PPRC1: variants seen among roughly 807,000 people sequenced by gnomAD.
PPRC1 encodes PPARG related coactivator 1.
Under a neutral mutation model 132.5 loss-of-function variants are expected in PPRC1, and 23 were observed. That is an observed-to-expected ratio of 0.17 (90% confidence interval 0.12 to 0.25). The LOEUF is 0.25. Among genes scored for constraint, PPRC1 ranks in the 10% least tolerant of loss-of-function variants. PPRC1 has a pLI of 1.00. For missense variants in PPRC1, 2,006 were observed against 2,089.1 expected (o/e 0.96, Z 0.78); for synonymous variants, 872 against 833.5 (o/e 1.05, Z -0.80).
chr10:102,139,756 G>T lies in PPRC1; in HGVS notation c.1248G>T (p.Leu416Phe), dbSNP rs1428507571. ...GCTCTGAGAAAGAGGGGTTGTCATT[G>T]AACTCAGAGGAGAAGCTGGACTCAG... ...TLCSEKEGLS[L>F]NSEEKLDSAC... Residue 416 changes from leucine to phenylalanine, a missense_variant, in exon 5 of 14, where the codon TTG becomes TTT. Physicochemically the swap from Leu to Phe is conservative, Grantham distance 22. Transcript: ENST00000278070. 1 of 1,614,174 alleles carries T rather than the reference G, an allele frequency of 6.2e-7. No individual in the cohort carries two copies. Among genetic ancestry groups the T allele is most frequent in the South Asian group, 1.1e-5 (1 of 91,090 alleles).
intron 2 of PPRC1, among the ~76,000 whole-genome samples, chr10:102,138,287 T>A (rs1408248242): frequency 6.6e-6 from 1 of 152,228 alleles, no homozygotes; most frequent in Non-Finnish European, 1.5e-5. Context: ...TCTGGGCCCC[T>A]GAACTACATG....
Position 102,133,077 on chromosome 10 carries a change from G to T in PPRC1, c.9G>T (p.Ala3=), listed in dbSNP as rs973614564. 2.6e-5 allele frequency: 32 copies of T among 1,242,190 alleles called. No homozygotes were observed. Among genetic ancestry groups the T allele is most frequent in the African/African-American group, 7.8e-5 (5 of 64,414 alleles). 76.9% of individuals were successfully genotyped at this position (1,242,190 alleles called of 1,614,324 possible). A position where few individuals can be genotyped will look rare whatever the true frequency, so the allele number is the denominator to read the frequency against. Reference sequence around the variant, plus strand: ...GGTGTTCAGGGGCCAAGATGGCGGCGCGCCGGGGACGGAGAGACGGAGTCG... The same window carrying T: ...GGTGTTCAGGGGCCAAGATGGCGGCTCGCCGGGGACGGAGAGACGGAGTCG... MA[A]RRGRRDGVAP... is the part of the protein sequence containing the mutation. The change falls in exon 1 of 14, where the codon GCG becomes GCT. Residue 3 remains alanine (A), a synonymous_variant. Coordinates refer to ENST00000278070, the MANE Select transcript of PPRC1 (RefSeq NM_015062.5).
At chr10:102,128,651 C>T (rs563568191), upstream of PPRC1, among the ~76,000 whole-genome samples, 59 of 148,208 alleles carry the variant, frequency 4.0e-4, 4 homozygotes, top group East Asian at 0.011. Flanking sequence ...CTTGCTGTGT[C>T]GCCCAGGCTG....
At chr10:102,133,620 C>G (rs2068606019) in intron 1 of PPRC1, among the ~76,000 whole-genome samples, 2 of 151,972 alleles carry the variant, frequency 1.3e-5, no homozygotes, top group Non-Finnish European at 2.9e-5. Flanking sequence ...TGCCTCCCCT[C>G]CCCCTCTAGG....
chr10:102,145,059 G>C lies in PPRC1; in HGVS notation c.3648G>C (p.Arg1216=). 4 of 1,614,004 alleles carry C rather than the reference G, an allele frequency of 2.5e-6. No homozygotes were observed. The highest frequency in any genetic ancestry group is 3.4e-6 in the Non-Finnish European group (4 of 1,179,904). Residue 1216 remains arginine (R), a synonymous_variant, in exon 8 of 14, where the codon CGG becomes CGC. Transcript: ENST00000278070. ...CCCAGGAGAAGAGGCCCCTAGACCG[G>C]TTACAAGCCCCAGAACTGGCCAACG... ...DIPQEKRPLD[R]LQAPELANVA... is the part of the protein sequence containing the mutation.
At chr10:102,126,324 A>G in the PPRC1 span, among the ~76,000 whole-genome samples, 1 of 143,594 alleles carries the variant, frequency 7.0e-6, no homozygotes, top group Non-Finnish European at 1.5e-5. Flanking sequence ...CTTGAATGAC[A>G]GAGTGAGACT....
Position 102,139,385 on chromosome 10 carries a change from G to T in PPRC1, c.877G>T (p.Ala293Ser), listed in dbSNP as rs761766582. The T allele has an allele frequency of 6.2e-6, 10 of 1,614,236 alleles. No homozygotes were observed. The East Asian group carries it at 1.1e-4, about 18-fold the overall frequency. Reference sequence around the variant, plus strand: ...AGATAAAGCAACAGCAGCAGAGATGGCAGTGCCAGCAGCTGGTGATGAGAG... The same window carrying T: ...AGATAAAGCAACAGCAGCAGAGATGTCAGTGCCAGCAGCTGGTGATGAGAG... ...EEDKATAAEM[A>S]VPAAGDESIS... The change falls in exon 5 of 14, where the codon GCA becomes TCA. Residue 293 changes from alanine to serine, a missense_variant. Ala to Ser is a moderately conservative substitution (Grantham distance 99). Around this residue, in one of 2 missense-constraint regions of PPRC1, gnomAD observed 1,914 missense variants for 1,917.2 expected, o/e 1.00. Coordinates refer to ENST00000278070, the MANE Select transcript of PPRC1 (RefSeq NM_015062.5).
In PPRC1 at chr10:102,144,154, TG is replaced by T; in HGVS notation, c.3551-94del. On this transcript the variant is annotated intron_variant, in intron 6 of 13. Transcript: ENST00000278070. ...CCCAACAGGGAATATGTAGGCAAAGTGGATTTTCCTCCTTTGGGTCTCAAAG... is the reference window on the plus strand; with the variant it reads ...CCCAACAGGGAATATGTAGGCAAAGTGATTTTCCTCCTTTGGGTCTCAAAG... 5.0e-6 allele frequency: 6 copies of T among 1,193,044 alleles called. No homozygotes were observed. The South Asian group carries it at 7.3e-5, about 15-fold the overall frequency. 73.9% of individuals were successfully genotyped at this position (1,193,044 alleles called of 1,614,324 possible).
intron 8 of PPRC1, among the ~76,000 whole-genome samples, chr10:102,145,726 G>T (rs1446892057): frequency 1.3e-5 from 2 of 151,886 alleles, no homozygotes; most frequent in Non-Finnish European, 2.9e-5. Flanking sequence ...TTAGCCGGGC[G>T]TGATGGCGGG....
At chr10:102,132,892 C>T (rs2068571424), upstream of PPRC1, 1 of 953,076 alleles carries the variant, frequency 1.0e-6, no homozygotes, top group African/African-American at 1.7e-5. Flanking sequence ...ACTACTACTC[C>T]CAGGAACCTT....
chr10:102,122,505 G>A, the PPRC1 span, among the ~76,000 whole-genome samples: 5 of 150,704 alleles, frequency 3.3e-5, no homozygotes, highest in African/African-American at 1.2e-4. Context: ...TCCAAGAGAG[G>A]AGGGGGCTGG....
Position 102,150,072 on chromosome 10 carries a change from C to A in PPRC1, c.*43C>A, listed in dbSNP as rs772841670. 2.8e-6 allele frequency: 4 copies of A among 1,436,754 alleles called. No individual in the cohort carries two copies. The highest frequency in any genetic ancestry group is 2.9e-6 in the Non-Finnish European group (3 of 1,018,790). The allele number at this position is 1,436,754 out of a possible 1,614,324, so 89.0% of individuals were successfully genotyped here. ...CTATCCTTTTTCTCCTTTGGAGGTG[C>A]CCAACCTCCTCCACCCCCTTCCCCT... is the stretch of plus-strand genomic sequence containing the variant. On this transcript the variant is annotated 3_prime_UTR_variant, in exon 14 of 14. Coordinates refer to ENST00000278070, the MANE Select transcript of PPRC1 (RefSeq NM_015062.5).
chr10:102,129,267 T>C (rs2068507621), upstream of PPRC1, among the ~76,000 whole-genome samples: 1 of 152,106 alleles, frequency 6.6e-6, no homozygotes, highest in Admixed American at 6.6e-5. Context: ...TATAATCAGA[T>C]GAGTCTTTGG....
Position 102,139,414 on chromosome 10 carries a change from C to T in PPRC1, c.906C>T (p.Ile302=). 6.2e-7 allele frequency: 1 copy of T among 1,614,250 alleles called. No individual in the cohort carries two copies. Among genetic ancestry groups the T allele is most frequent in the Non-Finnish European group, 8.5e-7 (1 of 1,180,044 alleles). The part of the protein sequence containing the change: ...MAVPAAGDES[I]SSLSELVRAM... ...TGCCAGCAGCTGGTGATGAGAGCAT[C>T]TCCTCCCTGAGTGAGCTGGTGCGGG... Residue 302 remains isoleucine, a synonymous_variant, in exon 5 of 14, where the codon ATC becomes ATT. Transcript: ENST00000278070.
Position 102,140,306 on chromosome 10 carries a change from G to T in PPRC1, c.1798G>T (p.Val600Phe), listed in dbSNP as rs746876147. Reference sequence around the variant, plus strand: ...AGCTGATCCCACTGCAGTTGGCCCTGTTCTAGCTGGCCCTGTACCTGTTGA... The same window carrying T: ...AGCTGATCCCACTGCAGTTGGCCCTTTTCTAGCTGGCCCTGTACCTGTTGA... ...VEADPTAVGPVLAGPVPVDPG... is the reference protein window; with the variant it reads ...VEADPTAVGPFLAGPVPVDPG... Residue 600 changes from valine to phenylalanine, a missense_variant, in exon 5 of 14, where the codon GTT (valine) becomes TTT (phenylalanine). By Grantham distance (50) the Val-to-Phe change is conservative. Around this residue, in one of 2 missense-constraint regions of PPRC1, gnomAD observed 1,914 missense variants for 1,917.2 expected, o/e 1.00. Transcript: ENST00000278070. 3.7e-6 allele frequency: 6 copies of T among 1,614,052 alleles called. No individual in the cohort carries two copies. In the African/African-American group the frequency reaches 8.0e-5, roughly 22 times the overall value.
upstream of PPRC1, among the ~76,000 whole-genome samples, chr10:102,132,717 A>G (rs2068567441): frequency 6.6e-6 from 1 of 152,264 alleles, no homozygotes; most frequent in Non-Finnish European, 1.5e-5. Flanking sequence ...GTAGAACGTC[A>G]AAGAGGACGT....
In PPRC1 at chr10:102,142,979, T is replaced by A. The variant is rs1590344572; in HGVS notation, c.3497-66T>A. 2.1e-6 allele frequency: 3 copies of A among 1,420,544 alleles called. No individual in the cohort carries two copies. In the South Asian group the frequency reaches 3.6e-5, roughly 17 times the overall value. The allele number at this position is 1,420,544 out of a possible 1,614,324, so 88.0% of individuals were successfully genotyped here. Reference sequence around the variant, plus strand: ...GGGAGAAGTGAGATGATTTGGGGGCTTCCTGGGACCTGTGTACTAAGTTGA... The same window carrying A: ...GGGAGAAGTGAGATGATTTGGGGGCATCCTGGGACCTGTGTACTAAGTTGA... On this transcript the variant is annotated intron_variant, in intron 5 of 13. Transcript: ENST00000278070.
upstream of PPRC1, among the ~76,000 whole-genome samples, chr10:102,131,485 T>C (rs1164778167): frequency 1.3e-5 from 2 of 152,184 alleles, no homozygotes; most frequent in Non-Finnish European, 2.9e-5. Context: ...GCAATATTTC[T>C]AAAGGGCAAT....
At chr10:102,131,850 G>T (rs901152549), upstream of PPRC1, among the ~76,000 whole-genome samples, 6 of 152,106 alleles carry the variant, frequency 3.9e-5, no homozygotes, top group African/African-American at 1.4e-4. Context: ...TAGAGGTGGG[G>T]TTTTGCCATG....
Sources: gnomAD v4.1 joint callset for allele counts (sites outside exome capture counted in the v4.1 genomes callset) on GRCh38, gnomAD v4.1.1 for gene constraint, gnomAD v4.1.1 regional missense constraint, MANE v1.5 for transcripts, NCBI Gene and HGNC (gene_info 2026-07-23, HGNC 2026-07-21) for gene names.